Variants in ANK3 observed in about 807,000 individuals in gnomAD.
The protein encoded by ANK3 is ankyrin-3.
ANK3 carries 57 observed loss-of-function variants against 370.9 expected under a neutral mutation model. That is an observed-to-expected ratio of 0.15 (90% CI 0.12 to 0.19). The LOEUF (loss-of-function observed/expected upper bound fraction) is 0.19, where lower values mean the gene tolerates loss of function less well. Ranked by LOEUF, ANK3 falls within the 10% of genes least tolerant of loss-of-function variation. The pLI, the probability that ANK3 is intolerant of heterozygous loss-of-function variation, is 1.00. For missense variants in ANK3, 4,439 were observed against 5,302.1 expected, an observed-to-expected ratio of 0.84 and a Z score of 5.06; for synonymous variants, 1,929 against 1,946.3, an observed-to-expected ratio of 0.99 and a Z score of 0.23.
At chr10:60,597,804 A>G (rs950562624) in intron 2 of ANK3, among the ~76,000 whole-genome samples, 1 of 152,174 alleles carries the variant, frequency 6.6e-6, no homozygotes, top group African/African-American at 2.4e-5. Context: ...AGCAATAGGA[A>G]CTGCAACCCT....
At position 60,074,891 on chromosome 10, in the gene ANK3, A is replaced by G. The variant is rs1163580860; in HGVS notation, c.5990T>C (p.Ile1997Thr). The change falls in exon 37 of 44, where the codon ATC (isoleucine) becomes ACC (threonine). Residue 1997 changes from isoleucine (I) to threonine (T), a missense_variant. Ile to Thr is a moderately conservative substitution (Grantham distance 89, BLOSUM62 -1). Coordinates refer to ENST00000280772, the MANE Select transcript of ANK3 (RefSeq NM_020987.5). ...DDWIEFSSEE[I>T]REARQQAAAS... ...AGCAGCTTGTTGTCTGGCTTCCCGG[A>G]TTTCTTCCGAACTAAATTCTATCCA... 2 of 1,613,570 alleles carry G rather than the reference A, an allele frequency of 1.2e-6. No individual in the cohort carries two copies. The highest frequency in any genetic ancestry group is 1.7e-5 in the Admixed American group (1 of 59,942).
chr10:60,203,794 T>A (rs1285298881), intron 11 of ANK3, among the ~76,000 whole-genome samples: 1 of 152,218 alleles, frequency 6.6e-6, no homozygotes, highest in African/African-American at 2.4e-5. Flanking sequence ...GCAGAATTTA[T>A]TGATTCCAGG....
intron 23 of ANK3, chr10:60,141,132 G>T: frequency 1.8e-6 from 1 of 546,594 alleles, no homozygotes; most frequent in Non-Finnish European, 2.3e-6. Context: ...AAGGAAAGCA[G>T]CAGTGATTCC....
At chr10:60,223,424 T>A (rs1438792406) in intron 8 of ANK3, among the ~76,000 whole-genome samples, 2 of 152,242 alleles carry the variant, frequency 1.3e-5, no homozygotes, top group Non-Finnish European at 2.9e-5. Context: ...ACTGTTTTCT[T>A]ACAAGTATCA....
In ANK3 at chr10:60,264,085, A is replaced by T. The variant is rs909408503; in HGVS notation, c.514-65T>A. On this transcript the variant is annotated intron_variant, in intron 5 of 43. Transcript: ENST00000280772. ...TATTTTCTTTTTTATTAAATTAACA[A>T]ATAAGAAGGCAACCAAGTGACCAAG... 2.9e-5 allele frequency: 40 copies of T among 1,387,314 alleles called. No homozygotes were observed. The African/African-American group carries it at 5.0e-4, about 17-fold the overall frequency. 85.9% of individuals were successfully genotyped at this position (1,387,314 alleles called of 1,614,324 possible).
Position 60,067,998 on chromosome 10 carries a change from G to A in ANK3, c.12256C>T (p.Pro4086Ser). ...ATCCTGATATCTGTCCGTTCACATG[G>A]ACTCTGTGGACCTACGATTTACAAT... is the stretch of plus-strand genomic sequence containing the variant. ...RSSRRTGPQS[P>S]CERTDIRMAI... is the part of the protein sequence containing the mutation. The change falls in exon 38 of 44, where the codon CCA becomes TCA. Residue 4086 changes from proline (P) to serine (S), a missense_variant. By Grantham distance (74) the Pro-to-Ser change is moderately conservative. Around this residue, in one of 13 missense-constraint regions of ANK3, gnomAD observed 99 missense variants for 150.7 expected, o/e 0.66. Transcript: ENST00000280772. 1 of 1,608,548 alleles carries A rather than the reference G, an allele frequency of 6.2e-7. No homozygotes were observed. Among genetic ancestry groups the A allele is most frequent in the Non-Finnish European group, 8.5e-7 (1 of 1,175,602 alleles).
chr10:60,472,909 G>A (rs2065253345), intron 2 of ANK3, among the ~76,000 whole-genome samples: 1 of 152,066 alleles, frequency 6.6e-6, no homozygotes, highest in Admixed American at 6.6e-5. Context: ...TCTTCTTCAT[G>A]GAGCTCAAAG....
intron 2 of ANK3, among the ~76,000 whole-genome samples, chr10:60,571,273 T>C (rs1376700668): frequency 6.6e-6 from 1 of 152,202 alleles, no homozygotes; most frequent in Non-Finnish European, 1.5e-5. Flanking sequence ...CCCTAGAATG[T>C]TGGCATGTAC....
intron 28 of ANK3, among the ~76,000 whole-genome samples, chr10:60,102,064 C>T (rs2091356872): frequency 6.6e-6 from 1 of 151,408 alleles, no homozygotes; most frequent in Non-Finnish European, 1.5e-5. Context: ...TGTGTGTCAT[C>T]ATAATCAACG....
intron 1 of ANK3, among the ~76,000 whole-genome samples, chr10:60,658,951 G>A (rs1429828833): frequency 1.3e-5 from 2 of 151,506 alleles, no homozygotes; most frequent in Non-Finnish European, 2.9e-5. Context: ...GAAAAAAGAG[G>A]CAGGCAGGAG....
At chr10:60,572,147 A>C (rs75879560) in intron 2 of ANK3, among the ~76,000 whole-genome samples, 3,532 of 152,286 alleles carry the variant, frequency 0.023, 157 homozygotes, top group African/African-American at 0.081. Flanking sequence ...AATTTAAAGG[A>C]GAAAAAAACA....
At chr10:60,302,167 A>G (rs1333879847) in intron 1 of ANK3, among the ~76,000 whole-genome samples, 1 of 152,238 alleles carries the variant, frequency 6.6e-6, no homozygotes, top group Non-Finnish European at 1.5e-5. Context: ...CATAAACATA[A>G]TAAATAACTT....
At chr10:60,068,254 A>G (rs1200419290) in intron 37 of ANK3, among the ~76,000 whole-genome samples, 5 of 152,208 alleles carry the variant, frequency 3.3e-5, no homozygotes, top group African/African-American at 9.7e-5. Context: ...CGAGCTAGCT[A>G]GTTTAAACAG....
At chr10:60,683,817 T>C (rs2079228702) in intron 1 of ANK3, among the ~76,000 whole-genome samples, 1 of 152,152 alleles carries the variant, frequency 6.6e-6, no homozygotes, top group Admixed American at 6.5e-5. Flanking sequence ...TGTCCATACA[T>C]GACAACCACA....
intron 7 of ANK3, among the ~76,000 whole-genome samples, chr10:60,248,514 A>G (rs2097589992): frequency 1.3e-5 from 2 of 152,064 alleles, no homozygotes; most frequent in South Asian, 4.1e-4. Context: ...ATTAGTTAGA[A>G]AAAGAGTTCT....
intron 23 of ANK3, among the ~76,000 whole-genome samples, chr10:60,150,211 C>T (rs2095042360): frequency 6.6e-6 from 1 of 152,132 alleles, no homozygotes; most frequent in Non-Finnish European, 1.5e-5. Context: ...CCTGGGACCT[C>T]ATCCGGTGCC....
intron 1 of ANK3, among the ~76,000 whole-genome samples, chr10:60,331,573 A>T (rs1206593827): frequency 1.7e-5 from 1 of 59,220 alleles, no homozygotes; most frequent in Admixed American, 1.9e-4. Flanking sequence ...AGCCTAATTA[A>T]AAAAAAAAAA....
intron 7 of ANK3, among the ~76,000 whole-genome samples, chr10:60,255,433 G>C (rs1053959466): frequency 1.3e-5 from 2 of 152,144 alleles, no homozygotes; most frequent in East Asian, 1.9e-4. Flanking sequence ...TAAGCACCTG[G>C]GGACCAAAGG....
chr10:60,235,561 T>G (rs961132160), intron 7 of ANK3, among the ~76,000 whole-genome samples: 1 of 145,466 alleles, frequency 6.9e-6, no homozygotes, highest in South Asian at 2.2e-4. Flanking sequence ...TTTTTTTTTT[T>G]TTTTTTTTTT....
Sources: allele counts gnomAD v4.1 joint callset (sites outside exome capture counted in the v4.1 genomes callset), GRCh38; gene constraint gnomAD v4.1.1; regional missense constraint gnomAD v4.1.1; transcripts MANE v1.5; gene names NCBI Gene and HGNC (gene_info 2026-07-23, HGNC 2026-07-21).